CYRIB: variants seen among roughly 807,000 people sequenced by gnomAD.
The protein encoded by CYRIB is CYFIP related Rac1 interactor B.
Under a neutral mutation model 44.2 loss-of-function variants are expected in CYRIB, and 8 were observed. The ratio of observed to expected loss-of-function variants is 0.18; its 90% CI spans 0.11 to 0.33. The LOEUF is 0.33. Ranked by LOEUF, CYRIB falls within the 10% of genes least tolerant of loss-of-function variation. CYRIB has a pLI of 1.00. For missense variants in CYRIB, 185 were observed against 382.8 expected, an observed-to-expected ratio of 0.48 and a Z score of 4.31; for synonymous variants, 131 against 127.2, an observed-to-expected ratio of 1.03 and a Z score of -0.20.
At chr8:129,870,797 G>A (rs760994829) in intron 4 of CYRIB, among the ~76,000 whole-genome samples, 8 of 151,964 alleles carry the variant, frequency 5.3e-5, no homozygotes, top group Admixed American at 2.0e-4. Flanking sequence ...GATATGCTAC[G>A]GGGAAGAATT....
chr8:129,907,126 T>C (rs1052904205), intron 1 of CYRIB, among the ~76,000 whole-genome samples: 56 of 152,352 alleles, frequency 3.7e-4, no homozygotes, highest in Non-Finnish European at 7.2e-4. Flanking sequence ...TTACAAATCA[T>C]GCTGCTATAA....
At chr8:129,961,095 A>G (rs1591236865) in intron 2 of CYRIB, among the ~76,000 whole-genome samples, 1 of 152,198 alleles carries the variant, frequency 6.6e-6, no homozygotes, top group African/African-American at 2.4e-5. Flanking sequence ...TTTTGGAGCC[A>G]TCAGACAGGG....
chr8:129,957,284 A>T (rs1384360521), intron 2 of CYRIB, among the ~76,000 whole-genome samples: 1 of 152,192 alleles, frequency 6.6e-6, no homozygotes. Flanking sequence ...AGATGACACC[A>T]ATGTGGACAG....
intron 1 of CYRIB, among the ~76,000 whole-genome samples, chr8:129,989,711 T>C (rs1190300458): frequency 2.0e-5 from 3 of 151,514 alleles, no homozygotes; most frequent in African/African-American, 7.3e-5. Flanking sequence ...TTGTTACATA[T>C]GTATACATGT....
chr8:129,877,591 G>C (rs2059497862), intron 3 of CYRIB, among the ~76,000 whole-genome samples: 1 of 150,840 alleles, frequency 6.6e-6, no homozygotes, highest in African/African-American at 2.4e-5. Context: ...AGAGGTTGCA[G>C]TGAGCTAAGA....
At chr8:129,940,251 C>A (rs972817088), upstream of CYRIB, among the ~76,000 whole-genome samples, 1 of 152,210 alleles carries the variant, frequency 6.6e-6, no homozygotes, top group East Asian at 1.9e-4. Context: ...GCCATATTCC[C>A]CCCACGCCTG....
At chr8:129,851,112 A>C (rs2043023795) in intron 8 of CYRIB, 198 bp from the exon 11 acceptor site, 1 of 547,968 alleles carries the variant, frequency 1.8e-6, no homozygotes, top group South Asian at 2.2e-5. Flanking sequence ...CAGCGAAGGC[A>C]GGACTCTTCT....
chr8:129,879,764 TTAAG>T (rs2060258342), intron 2 of CYRIB: 1 of 292,738 alleles, frequency 3.4e-6, no homozygotes, highest in Non-Finnish European at 6.3e-6. Flanking sequence ...GAAAAATTCT[TTAAG>T]TATTCCAATA....
chr8:129,925,379 G>A (rs112068525), intron 1 of CYRIB, among the ~76,000 whole-genome samples: 2 of 152,048 alleles, frequency 1.3e-5, no homozygotes, highest in African/African-American at 4.8e-5. Flanking sequence ...GTGACAGAGC[G>A]AGACTCCGTC....
chr8:129,878,743 G>A (rs930427493), intron 3 of CYRIB, among the ~76,000 whole-genome samples: 2 of 152,146 alleles, frequency 1.3e-5, no homozygotes, highest in Non-Finnish European at 2.9e-5. Context: ...TATTACAATA[G>A]GTCATGCAAC....
intron 11 of CYRIB, among the ~76,000 whole-genome samples, chr8:129,845,467 A>T (rs566797368): frequency 1.8e-4 from 28 of 152,362 alleles, no homozygotes; most frequent in African/African-American, 6.5e-4. Context: ...CAGAATTCTA[A>T]AAACTAGGCT....
chr8:129,852,847 T>C (rs541506964), intron 7 of CYRIB, among the ~76,000 whole-genome samples: 21 of 152,312 alleles, frequency 1.4e-4, no homozygotes, highest in African/African-American at 5.1e-4. Context: ...GGTCAGACTG[T>C]ATAGTGCCAT....
intron 2 of CYRIB, 175 bp from the exon 5 acceptor site, chr8:129,879,646 T>A (rs2060225830): frequency 1.7e-6 from 1 of 572,886 alleles, no homozygotes; most frequent in Non-Finnish European, 3.1e-6. Context: ...GGTGTTGATA[T>A]GTAGGACCTA....
rs529481688 is a variant in CYRIB at position 129,921,494 on chromosome 8, C to T, written c.-50+18114G>A. Among the ~76,000 whole-genome samples, 213 of 152,304 alleles carry T rather than the reference C, an allele frequency of 1.4e-3. 1 individual carries two copies. The highest frequency in any genetic ancestry group is 5.0e-3 in the African/African-American group (207 of 41,556). ...GACCTTTTACAAGGTCTCACTCTCT[C>T]GCCTAGACTGGAGTGCAGCGGCACG... On this transcript the variant is annotated intron_variant, in intron 1 of 11. Transcript: ENST00000519824.
intron 1 of CYRIB, among the ~76,000 whole-genome samples, chr8:130,011,781 C>G (rs1029849055): frequency 6.6e-5 from 10 of 151,872 alleles, no homozygotes; most frequent in Admixed American, 6.6e-4. Flanking sequence ...TGCAGTGAGC[C>G]GAGATCGCAC....
At chr8:129,984,835 C>G (rs905478425) in intron 1 of CYRIB, among the ~76,000 whole-genome samples, 2 of 152,062 alleles carry the variant, frequency 1.3e-5, no homozygotes, top group Admixed American at 6.6e-5. Context: ...AGTGCAATGG[C>G]GCGATTTCAG....
At position 129,909,539 on chromosome 8, in the gene CYRIB, C is replaced by T. The variant is rs1291952342; in HGVS notation, c.-49-6189G>A. 2.0e-5 allele frequency among the ~76,000 whole-genome samples: 3 copies of T among 151,908 alleles called. No individual in the cohort carries two copies. In the East Asian group the frequency reaches 5.8e-4, roughly 29 times the overall value. Reference sequence around the variant, plus strand: ...GCCAAAATACCACTTTTAGTCTTTACATACCAACTCATCATATGGTTGTAC... The same window carrying T: ...GCCAAAATACCACTTTTAGTCTTTATATACCAACTCATCATATGGTTGTAC... On this transcript the variant is annotated intron_variant, in intron 1 of 11. Coordinates refer to ENST00000519824, the Ensembl canonical transcript of CYRIB.
intron 8 of CYRIB, chr8:129,851,116 C>G (rs1317520949): frequency 5.5e-6 from 3 of 541,896 alleles, no homozygotes; most frequent in South Asian, 2.2e-5. Flanking sequence ...GAAGGCAGGA[C>G]TCTTCTGAAA....
At chr8:129,965,177 A>G (rs181945561) in intron 2 of CYRIB, among the ~76,000 whole-genome samples, 1 of 152,242 alleles carries the variant, frequency 6.6e-6, no homozygotes, top group African/African-American at 2.4e-5. Context: ...ACATAGCAGG[A>G]TATCTTCCAC....
Sources: allele counts gnomAD v4.1 joint callset (sites outside exome capture counted in the v4.1 genomes callset), GRCh38; gene constraint gnomAD v4.1.1; transcripts MANE v1.5; gene names NCBI Gene and HGNC (gene_info 2026-07-23, HGNC 2026-07-21).